INPP4B: variants seen among roughly 807,000 people sequenced by gnomAD.
INPP4B encodes inositol polyphosphate 4-phosphatase type II.
A neutral mutation model predicts 122.5 loss-of-function variants in INPP4B; 55 were observed. The ratio of observed to expected loss-of-function variants is 0.45; its 90% CI spans 0.36 to 0.56. The LOEUF is 0.56. INPP4B is among the 20% of genes least tolerant of loss of function. The probability of loss-of-function intolerance (pLI) is 0.00; values close to 1 mark genes in which losing one functional copy is unlikely to be tolerated. For missense variants in INPP4B, 1,000 were observed against 1,097.7 expected (o/e 0.91, Z 1.26); for synonymous variants, 403 against 388.7 (o/e 1.04, Z -0.43).
At chr4:142,124,803 G>A (rs188270441) in intron 18 of INPP4B, 43 bp from the exon 19 acceptor site, 2 of 1,377,350 alleles carry the variant, frequency 1.5e-6, no homozygotes, top group East Asian at 5.1e-5. Flanking sequence ...GATGAAGGAA[G>A]GTCTTGGAAT....
rs1736155288 is a variant in INPP4B at position 142,023,654 on chromosome 4, C to T, written c.*5128G>A. 6.6e-6 allele frequency: 1 copy of T among 152,064 alleles called. No homozygotes were observed. Among genetic ancestry groups the T allele is most frequent in the Admixed American group, 6.5e-5 (1 of 15,270 alleles). The allele number at this position is 152,064 out of a possible 1,614,324, so 9.4% of individuals were successfully genotyped here. A position where few individuals can be genotyped will look rare whatever the true frequency, so the allele number is the denominator to read the frequency against. ...TGCAATAGGTCATCATTGATCGCGTCCTTTCATGACCTGGCGGTAATTTAG... is the reference window on the plus strand; with the variant it reads ...TGCAATAGGTCATCATTGATCGCGTTCTTTCATGACCTGGCGGTAATTTAG... On this transcript the variant is annotated 3_prime_UTR_variant, in exon 26 of 26. Transcript: ENST00000262992.
chr4:142,792,003 G>T (rs1776619662), intron 1 of INPP4B, among the ~76,000 whole-genome samples: 1 of 152,036 alleles, frequency 6.6e-6, no homozygotes, highest in Admixed American at 6.6e-5. Flanking sequence ...GTTTAAAGTT[G>T]ATCAAATTCT....
chr4:142,801,939 C>A (rs1778054738), intron 1 of INPP4B, among the ~76,000 whole-genome samples: 1 of 152,052 alleles, frequency 6.6e-6, no homozygotes, highest in African/African-American at 2.4e-5. Flanking sequence ...GGATCTGAAT[C>A]TCAGGAAAGA....
intron 1 of INPP4B, among the ~76,000 whole-genome samples, chr4:142,728,697 G>C (rs576772532): frequency 1.3e-5 from 2 of 152,206 alleles, no homozygotes; most frequent in East Asian, 3.9e-4. Flanking sequence ...GAATGCCAAG[G>C]ACTGCCAGCA....
chr4:142,517,071 T>C (rs1825504214), intron 2 of INPP4B, among the ~76,000 whole-genome samples: 1 of 150,344 alleles, frequency 6.7e-6, no homozygotes, highest in Non-Finnish European at 1.5e-5. Flanking sequence ...TGCATATGAC[T>C]AGACAAAAAA....
chr4:142,737,766 G>A (rs1767190407), intron 1 of INPP4B, among the ~76,000 whole-genome samples: 1 of 151,736 alleles, frequency 6.6e-6, no homozygotes, highest in Non-Finnish European at 1.5e-5. Context: ...AAATTTACAA[G>A]AAAAAAACAA....
chr4:142,165,161 G>C (rs1300338160), intron 16 of INPP4B, among the ~76,000 whole-genome samples: 1 of 151,618 alleles, frequency 6.6e-6, no homozygotes, highest in East Asian at 1.9e-4. Flanking sequence ...AGAAATGCCA[G>C]GCTGAACTCA....
intron 25 of INPP4B, among the ~76,000 whole-genome samples, chr4:142,051,890 A>G (rs909048338): frequency 2.6e-5 from 4 of 151,994 alleles, no homozygotes; most frequent in Non-Finnish European, 5.9e-5. Flanking sequence ...CACTTGGTAA[A>G]GGATAAAATC....
intron 2 of INPP4B, among the ~76,000 whole-genome samples, chr4:142,565,583 G>A (rs935845658): frequency 6.6e-6 from 1 of 152,070 alleles, no homozygotes; most frequent in African/African-American, 2.4e-5. Flanking sequence ...ATTACCATTT[G>A]GCAAACACCA....
chr4:142,338,142 C>A (rs1296624578), intron 7 of INPP4B, among the ~76,000 whole-genome samples: 2 of 152,094 alleles, frequency 1.3e-5, no homozygotes, highest in Admixed American at 1.3e-4. Context: ...ACCCCTATAC[C>A]TAGTACTGAT....
intron 2 of INPP4B, among the ~76,000 whole-genome samples, chr4:142,591,086 G>A (rs1486049995): frequency 8.6e-5 from 13 of 151,942 alleles, no homozygotes; most frequent in African/African-American, 2.4e-4. Flanking sequence ...AGGCCGAGGC[G>A]GGCAGATCAC....
intron 7 of INPP4B, among the ~76,000 whole-genome samples, chr4:142,337,500 T>C (rs929382233): frequency 1.3e-5 from 2 of 151,546 alleles, no homozygotes; most frequent in Admixed American, 6.6e-5. Context: ...TGATATGTAA[T>C]TATATATCAC....
intron 1 of INPP4B, among the ~76,000 whole-genome samples, chr4:142,767,241 G>A (rs1229764504): frequency 6.6e-6 from 1 of 152,090 alleles, no homozygotes; most frequent in Admixed American, 6.6e-5. Context: ...AAAACACTTT[G>A]GAGCTTAAAA....
In INPP4B at chr4:142,706,670, T is replaced by C. The variant is rs528551236; in HGVS notation, c.-191+19169A>G. 3.3e-5 allele frequency among the ~76,000 whole-genome samples: 5 copies of C among 152,342 alleles called. No individual in the cohort carries two copies. The South Asian group carries it at 6.2e-4, about 19-fold the overall frequency. ...CTGCATGCTTCAAAAATAAATCCCA[T>C]TGGCTGAAGTTTAAAGCAGGGATCT... On this transcript the variant is annotated intron_variant, in intron 2 of 25. Coordinates refer to ENST00000262992, the MANE Select transcript of INPP4B (RefSeq NM_001101669.3).
chr4:142,188,540 A>G (rs1834307106), intron 15 of INPP4B, among the ~76,000 whole-genome samples: 1 of 141,684 alleles, frequency 7.1e-6, no homozygotes, highest in Admixed American at 7.2e-5. Flanking sequence ...TTGACTTATG[A>G]GTTCATACAA....
intron 2 of INPP4B, among the ~76,000 whole-genome samples, chr4:142,669,381 G>A (rs1446968076): frequency 6.6e-6 from 1 of 151,972 alleles, no homozygotes; most frequent in Non-Finnish European, 1.5e-5. Flanking sequence ...AAAGAACAAA[G>A]CTGAAGGCAT....
chr4:142,772,973 G>C (rs995266837), intron 1 of INPP4B, among the ~76,000 whole-genome samples: 4 of 152,040 alleles, frequency 2.6e-5, no homozygotes, highest in Non-Finnish European at 5.9e-5. Context: ...TTGAACCCGG[G>C]AGTCAGAGGT....
intron 1 of INPP4B, among the ~76,000 whole-genome samples, chr4:142,783,517 TAG>T (rs1318788852): frequency 3.9e-5 from 6 of 152,150 alleles, no homozygotes; most frequent in African/African-American, 1.4e-4. Context: ...GCACCACGCA[TAG>T]ACAGTTTTTA....
intron 17 of INPP4B, among the ~76,000 whole-genome samples, chr4:142,148,764 C>T (rs1030433431): frequency 8.6e-5 from 13 of 152,026 alleles, no homozygotes; most frequent in Non-Finnish European, 7.4e-5. Flanking sequence ...GTCTGAGGAG[C>T]GTAGTGAAGC....
Sources: allele counts gnomAD v4.1 joint callset (sites outside exome capture counted in the v4.1 genomes callset), GRCh38; gene constraint gnomAD v4.1.1; transcripts MANE v1.5; gene names NCBI Gene and HGNC (gene_info 2026-07-23, HGNC 2026-07-21).